GLDC: variants seen among roughly 807,000 people sequenced by gnomAD.
GLDC encodes glycine decarboxylase, also known as glycine dehydrogenase (decarboxylating), mitochondrial.
Under a neutral mutation model 121.3 loss-of-function variants are expected in GLDC, and 104 were observed. The observed-to-expected ratio is 0.86, with a 90% CI of 0.73 to 1.01. GLDC has a LOEUF of 1.01. Ranked by LOEUF, GLDC falls within the 50% of genes least tolerant of loss-of-function variation. The pLI is 0.00. For synonymous variants in GLDC, 546 were observed against 480.6 expected (o/e 1.14, Z -1.78); for missense variants, 1,429 against 1,306.6 (o/e 1.09, Z -1.44).
chr9:6,637,076 T>A lies in GLDC; in HGVS notation c.334+7538A>T, dbSNP rs563147800. 6.1e-5 allele frequency among the ~76,000 whole-genome samples: 9 copies of A among 148,546 alleles called. No individual in the cohort carries two copies. In the South Asian group the frequency reaches 1.7e-3, roughly 28 times the overall value. On this transcript the variant is annotated intron_variant, in intron 2 of 24. Coordinates refer to ENST00000321612, the MANE Select transcript of GLDC (RefSeq NM_000170.3). The stretch of plus-strand genomic sequence containing the variant: ...TCCAGCCTGGGTGACAGAGCAGAAC[T>A]GGTTTTGTTTGTTTTTTTTTTTAAA...
chr9:6,622,680 G>C (rs939288795), intron 2 of GLDC: 23 of 209,282 alleles, frequency 1.1e-4, no homozygotes, highest in Non-Finnish European at 2.1e-4. Flanking sequence ...TGGGAAGTGA[G>C]GAGCCTCTCT....
At chr9:6,609,031 T>A (rs1466015059) in intron 4 of GLDC, among the ~76,000 whole-genome samples, 1 of 152,084 alleles carries the variant, frequency 6.6e-6, no homozygotes, top group Non-Finnish European at 1.5e-5. Flanking sequence ...CAACTCTGCA[T>A]AAGCCAAAAA....
chr9:6,582,348 G>C (rs1028111703), intron 15 of GLDC, among the ~76,000 whole-genome samples: 1 of 150,120 alleles, frequency 6.7e-6, no homozygotes, highest in Non-Finnish European at 1.5e-5. Context: ...GCGAAACCCT[G>C]TCTCTACTAA....
intron 8 of GLDC, 73 bp from the exon 9 acceptor site, chr9:6,595,192 G>A: frequency 9.9e-7 from 1 of 1,005,656 alleles, no homozygotes; most frequent in Non-Finnish European, 1.6e-6. Flanking sequence ...ACTTGACTTG[G>A]GATGTCAAAA....
intron 5 of GLDC, 103 bp from the exon 6 acceptor site, chr9:6,605,381 C>T (rs1818709317): frequency 2.5e-6 from 3 of 1,198,774 alleles, no homozygotes; most frequent in Non-Finnish European, 3.6e-6. Context: ...CTGTGCCCTC[C>T]CACAGTGGCC....
intron 11 of GLDC, among the ~76,000 whole-genome samples, chr9:6,590,285 T>C (rs1225477172): frequency 1.3e-5 from 2 of 151,286 alleles, no homozygotes; most frequent in East Asian, 1.9e-4. Flanking sequence ...CTGATAAGGA[T>C]TTAATATCCA....
chr9:6,611,328 C>A (rs185708293), intron 3 of GLDC, among the ~76,000 whole-genome samples: 2 of 152,178 alleles, frequency 1.3e-5, no homozygotes, highest in East Asian at 1.9e-4. Context: ...GAGGTCAAGG[C>A]GGGCGGATCA....
intron 4 of GLDC, among the ~76,000 whole-genome samples, chr9:6,607,721 GC>G (rs1243142957): frequency 6.6e-6 from 1 of 151,928 alleles, no homozygotes; most frequent in African/African-American, 2.4e-5. Context: ...ACAGCTCACT[GC>G]AACCTCGACC....
Position 6,629,958 on chromosome 9 carries a change from T to TATATATATGTATACATATATATATATATA in GLDC, c.335-9640_335-9639insTATATATATATATATGTATACATATATAT. Among the ~76,000 whole-genome samples, 99 of 78,618 alleles carry TATATATATGTATACATATATATATATATA rather than the reference T, an allele frequency of 1.3e-3. 4 individuals are homozygous for TATATATATGTATACATATATATATATATA. Among genetic ancestry groups the TATATATATGTATACATATATATATATATA allele is most frequent in the Middle Eastern group, 5.6e-3 (1 of 180 alleles). 51.6% of individuals were successfully genotyped at this position (78,618 alleles called of 152,430 possible). ...ATATATATATATGTATATATATATA[T>TATATATATGTATACATATATATATATATA]TTTTTTTTTTTAAGAGAGACAAGGT... On this transcript the variant is annotated intron_variant, in intron 2 of 24. Coordinates refer to ENST00000321612, the MANE Select transcript of GLDC (RefSeq NM_000170.3).
At chr9:6,588,073 A>G (rs183831113) in intron 14 of GLDC, among the ~76,000 whole-genome samples, 270 of 141,556 alleles carry the variant, frequency 1.9e-3, no homozygotes, top group African/African-American at 6.7e-3. Context: ...ATTTAGAACT[A>G]TAAACAATTT....
At chr9:6,636,857 G>A (rs1308287038) in intron 2 of GLDC, among the ~76,000 whole-genome samples, 2 of 151,994 alleles carry the variant, frequency 1.3e-5, no homozygotes, top group African/African-American at 4.8e-5. Flanking sequence ...GCTGAGGCGG[G>A]CAGATCACTT....
In GLDC at chr9:6,604,577, A is replaced by G. The variant is rs768271943; in HGVS notation, c.1058+11T>C. On this transcript the variant is annotated intron_variant, in intron 7 of 24. Coordinates refer to ENST00000321612, the MANE Select transcript of GLDC (RefSeq NM_000170.3). ...ATCACAATAAAAGTAGAGAAACATG[A>G]GCCCCTTTACCTTGTTACCCCCACC... 1 of 1,603,448 alleles carries G rather than the reference A, an allele frequency of 6.2e-7. No homozygotes were observed. Among genetic ancestry groups the G allele is most frequent in the African/African-American group, 1.3e-5 (1 of 74,804 alleles).
chr9:6,552,171 G>C (rs1428578664), intron 20 of GLDC, among the ~76,000 whole-genome samples: 1 of 152,180 alleles, frequency 6.6e-6, no homozygotes, highest in Non-Finnish European at 1.5e-5. Context: ...CAGGGGATAA[G>C]TAATAACAGC....
intron 15 of GLDC, among the ~76,000 whole-genome samples, chr9:6,585,832 CTATGTATG>C (rs148214664): frequency 9.4e-4 from 139 of 148,200 alleles, no homozygotes; most frequent in Admixed American, 1.4e-3. Flanking sequence ...TATCATTCAT[CTATGTATG>C]TATGTATGTA....
intron 20 of GLDC, among the ~76,000 whole-genome samples, chr9:6,552,358 C>T (rs1817534411): frequency 6.6e-6 from 1 of 152,098 alleles, no homozygotes; most frequent in Admixed American, 6.6e-5. Flanking sequence ...TACAAATAAC[C>T]CAGATTTACA....
chr9:6,537,467 C>T (rs1817152497), intron 22 of GLDC, among the ~76,000 whole-genome samples: 1 of 152,210 alleles, frequency 6.6e-6, no homozygotes. Flanking sequence ...TTCAAACATT[C>T]TCTACCAACA....
At position 6,637,207 on chromosome 9, in the gene GLDC, C is replaced by T. The variant is rs113770256; in HGVS notation, c.334+7407G>A. Among the ~76,000 whole-genome samples the T allele has an allele frequency of 1.6e-4, 25 of 152,068 alleles. No individual in the cohort carries two copies. In the South Asian group the frequency reaches 4.8e-3, roughly 29 times the overall value. ...ATCACTTGAGGTCAGGAGTTCGAAA[C>T]CAGCCTGGCCAACATGGTGAAACCC... On this transcript the variant is annotated intron_variant, in intron 2 of 24. Transcript: ENST00000321612.
intron 2 of GLDC, among the ~76,000 whole-genome samples, chr9:6,629,958 T>TATATATATATATATATATGTATA: frequency 1.3e-5 from 1 of 78,680 alleles, no homozygotes; most frequent in South Asian, 4.3e-4. Context: ...TATATATATA[T>TATATATATATATATATATGTATA]TTTTTTTTTT....
intron 16 of GLDC, among the ~76,000 whole-genome samples, chr9:6,560,296 T>C (rs1410144323): frequency 6.6e-6 from 1 of 152,214 alleles, no homozygotes; most frequent in Non-Finnish European, 1.5e-5. Flanking sequence ...TACAGCTCTT[T>C]CCTCAAAAAC....
Sources: allele counts gnomAD v4.1 joint callset (sites outside exome capture counted in the v4.1 genomes callset), GRCh38; gene constraint gnomAD v4.1.1; transcripts MANE v1.5; gene names NCBI Gene and HGNC (gene_info 2026-07-23, HGNC 2026-07-21).